TMEM178B: variants seen among roughly 807,000 people sequenced by gnomAD.
The protein encoded by TMEM178B is transmembrane protein 178B.
TMEM178B carries 5 observed loss-of-function variants against 31.0 expected under a neutral mutation model. The observed-to-expected ratio is 0.16, with a 90% CI of 0.08 to 0.34. TMEM178B has a LOEUF of 0.34. TMEM178B is among the 10% of genes least tolerant of loss of function. The probability of loss-of-function intolerance (pLI) is 1.00; values close to 1 mark genes in which losing one functional copy is unlikely to be tolerated. For missense variants in TMEM178B, 275 were observed against 400.3 expected (o/e 0.69, Z 2.67); for synonymous variants, 164 against 164.0 (o/e 1.00, Z 0.00).
intron 2 of TMEM178B, among the ~76,000 whole-genome samples, chr7:141,364,164 T>C (rs1799964043): frequency 6.6e-6 from 1 of 152,152 alleles, no homozygotes; most frequent in Non-Finnish European, 1.5e-5. Flanking sequence ...TGTGGCCTCT[T>C]TTCACTTGTC....
intron 1 of TMEM178B, among the ~76,000 whole-genome samples, chr7:141,190,741 CTT>C (rs1284791704): frequency 1.6e-4 from 25 of 152,182 alleles, no homozygotes; most frequent in African/African-American, 5.8e-4. Context: ...GTCAAAGTAT[CTT>C]AAGTTGGGGA....
chr7:141,205,826 G>GA lies in TMEM178B; in HGVS notation c.383-6760dup, dbSNP rs1796953450. 2.6e-5 allele frequency among the ~76,000 whole-genome samples: 4 copies of GA among 152,196 alleles called. No individual in the cohort carries two copies. In the South Asian group the frequency reaches 8.3e-4, roughly 31 times the overall value. ...TTGCTGAGAGCTGATACATGTGGGA[G>GA]AAAAACTGCCTGCTGGCATTGCTGT... On this transcript the variant is annotated intron_variant, in intron 1 of 3. Transcript: ENST00000565468.
chr7:141,502,569 G>A, the TMEM178B span, among the ~76,000 whole-genome samples: 1 of 152,160 alleles, frequency 6.6e-6, no homozygotes, highest in Non-Finnish European at 1.5e-5. Context: ...TAGGGAGTTC[G>A]AGACCAGCCT....
intron 1 of TMEM178B, among the ~76,000 whole-genome samples, chr7:141,084,450 G>A (rs1794744402): frequency 1.3e-5 from 2 of 152,322 alleles, no homozygotes; most frequent in South Asian, 4.1e-4. Flanking sequence ...CTGTCCTCAT[G>A]GAGCTAAAAA....
intron 2 of TMEM178B, among the ~76,000 whole-genome samples, chr7:141,398,828 C>T (rs1468607831): frequency 1.3e-5 from 2 of 152,232 alleles, no homozygotes; most frequent in Admixed American, 6.5e-5. Flanking sequence ...GAACTGACTT[C>T]GCCAAGATCA....
intron 2 of TMEM178B, among the ~76,000 whole-genome samples, chr7:141,336,802 CATTTCTAGGATCAG>C (rs1799398532): frequency 6.7e-6 from 1 of 149,070 alleles, no homozygotes; most frequent in Admixed American, 6.7e-5. Flanking sequence ...CCACCACCAT[CATTTCTAGGATCAG>C]CACCACCACC....
intron 2 of TMEM178B, among the ~76,000 whole-genome samples, chr7:141,303,359 G>A (rs753946289): frequency 3.4e-4 from 52 of 152,280 alleles, no homozygotes; most frequent in South Asian, 8.3e-4. Flanking sequence ...GTTGTCTTGG[G>A]TAAGGATCAA....
At chr7:141,403,139 G>A (rs994122544) in intron 2 of TMEM178B, among the ~76,000 whole-genome samples, 11 of 152,192 alleles carry the variant, frequency 7.2e-5, no homozygotes, top group African/African-American at 2.7e-4. Flanking sequence ...GCAAAACACC[G>A]TGACAAAGTT....
At chr7:141,310,541 G>A (rs565382019) in intron 2 of TMEM178B, among the ~76,000 whole-genome samples, 23 of 152,292 alleles carry the variant, frequency 1.5e-4, no homozygotes, top group Non-Finnish European at 2.9e-4. Context: ...AGCCCTGCAT[G>A]CATTAGGTAT....
intron 2 of TMEM178B, among the ~76,000 whole-genome samples, chr7:141,351,472 C>T (rs1799721209): frequency 6.6e-6 from 1 of 152,234 alleles, no homozygotes; most frequent in Non-Finnish European, 1.5e-5. Flanking sequence ...GTGTGAGGCA[C>T]AGGTGTGCAA....
chr7:141,177,648 T>C (rs942212629), intron 1 of TMEM178B, among the ~76,000 whole-genome samples: 10 of 152,200 alleles, frequency 6.6e-5, no homozygotes, highest in African/African-American at 2.2e-4. Flanking sequence ...TGCATATATA[T>C]TTAGGATAGT....
At chr7:141,364,074 T>C (rs1799962235) in intron 2 of TMEM178B, among the ~76,000 whole-genome samples, 1 of 152,160 alleles carries the variant, frequency 6.6e-6, no homozygotes, top group African/African-American at 2.4e-5. Flanking sequence ...TGAATGTATC[T>C]ATACTATGTT....
intron 1 of TMEM178B, among the ~76,000 whole-genome samples, chr7:141,123,322 G>T (rs1795439120): frequency 6.6e-6 from 1 of 152,222 alleles, no homozygotes; most frequent in Admixed American, 6.5e-5. Flanking sequence ...AAGACTGGTG[G>T]TGTCACTGTC....
At chr7:141,262,360 AT>A (rs1443389769) in intron 2 of TMEM178B, among the ~76,000 whole-genome samples, 1 of 151,906 alleles carries the variant, frequency 6.6e-6, no homozygotes, top group Non-Finnish European at 1.5e-5. Flanking sequence ...CCGAGAAATG[AT>A]TTCAAATAAA....
At chr7:141,480,636 A>C (rs950014772), downstream of TMEM178B, among the ~76,000 whole-genome samples, 7 of 152,252 alleles carry the variant, frequency 4.6e-5, no homozygotes, top group Admixed American at 1.3e-4. Context: ...AAAAGAGGGA[A>C]ACTGTTGTTC....
At chr7:141,443,662 C>T (rs1254749135) in intron 3 of TMEM178B, among the ~76,000 whole-genome samples, 1 of 152,104 alleles carries the variant, frequency 6.6e-6, no homozygotes, top group African/African-American at 2.4e-5. Flanking sequence ...AATTATTTTT[C>T]CCCCATTTCC....
chr7:141,205,599 G>C (rs1796950176), intron 1 of TMEM178B, among the ~76,000 whole-genome samples: 1 of 152,174 alleles, frequency 6.6e-6, no homozygotes, highest in South Asian at 2.1e-4. Context: ...GGGTGTCAAG[G>C]AGAACAATAT....
intron 1 of TMEM178B, among the ~76,000 whole-genome samples, chr7:141,130,360 TTAGA>T (rs1316213106): frequency 6.6e-6 from 1 of 152,164 alleles, no homozygotes; most frequent in Non-Finnish European, 1.5e-5. Context: ...CCCAGACCCC[TTAGA>T]TAGGAATTTG....
chr7:141,115,939 C>T (rs562929712), intron 1 of TMEM178B, among the ~76,000 whole-genome samples: 5 of 152,192 alleles, frequency 3.3e-5, no homozygotes, highest in Admixed American at 2.0e-4. Context: ...GAGATTTACA[C>T]GTTAAAAATA....
Sources: allele counts gnomAD v4.1 joint callset (sites outside exome capture counted in the v4.1 genomes callset), GRCh38; gene constraint gnomAD v4.1.1; transcripts MANE v1.5; gene names NCBI Gene and HGNC (gene_info 2026-07-23, HGNC 2026-07-21).